The following UPF1 variants were observed in gnomAD, a reference collection of about 807,000 sequenced individuals.
The protein encoded by UPF1 is regulator of nonsense transcripts 1.
In UPF1, 9 loss-of-function variants were observed where a neutral mutation model predicts 129.2. The ratio of observed to expected loss-of-function variants is 0.07; its 90% confidence interval spans 0.04 to 0.12. The LOEUF (loss-of-function observed/expected upper bound fraction) is 0.12, where lower values mean the gene tolerates loss of function less well. Among genes scored for constraint, UPF1 ranks in the 10% least tolerant of loss-of-function variants. UPF1 has a pLI of 1.00. For missense variants in UPF1, 788 were observed against 1,525.3 expected (o/e 0.52, Z 8.05); for synonymous variants, 649 against 644.9 (o/e 1.01, Z -0.10).
chr19:18,855,461 C>G (rs899857895), intron 11 of UPF1: 6 of 620,700 alleles, frequency 9.7e-6, no homozygotes, highest in African/African-American at 7.4e-5. Flanking sequence ...GTTTAGAAAA[C>G]TGGGGGCAGG....
chr19:18,847,716 T>C (rs752056333), intron 2 of UPF1, 28 bp from the exon 3 acceptor site: 11 of 1,605,716 alleles, frequency 6.9e-6, no homozygotes, highest in South Asian at 2.2e-5. Flanking sequence ...AGCTTCCAGC[T>C]GTAACTGTCG....
chr19:18,866,017 T>G (rs760246031), intron 22 of UPF1, 27 bp from the exon 23 acceptor site: 1 of 1,612,998 alleles, frequency 6.2e-7, no homozygotes, highest in Non-Finnish European at 8.5e-7. Context: ...GCCTGTGGCT[T>G]GCTTACCTCC....
At chr19:18,849,469 C>T (rs16995752) in intron 3 of UPF1, 2,043 of 157,740 alleles carry the variant, frequency 0.013, 40 homozygotes, top group African/African-American at 0.046. Flanking sequence ...CTGGCCACGT[C>T]GCAGCAAGGA....
intron 1 of UPF1, among the ~76,000 whole-genome samples, chr19:18,840,390 C>T (rs527630820): frequency 1.2e-4 from 18 of 152,282 alleles, no homozygotes; most frequent in African/African-American, 4.1e-4. Context: ...CAGGCTGAGC[C>T]GGGGCTCTCT....
intron 9 of UPF1, 26 bp downstream of exon 9, chr19:18,854,735 C>G: frequency 6.2e-7 from 1 of 1,610,496 alleles, no homozygotes; most frequent in Non-Finnish European, 8.5e-7. Flanking sequence ...TCACTGCCCC[C>G]TGTTCCCTGG....
intron 15 of UPF1, among the ~76,000 whole-genome samples, chr19:18,858,323 C>T (rs750934159): frequency 6.6e-6 from 1 of 152,162 alleles, no homozygotes; most frequent in Non-Finnish European, 1.5e-5. Context: ...CGTCGCTTGC[C>T]ATGAGCTTGG....
intron 20 of UPF1, among the ~76,000 whole-genome samples, chr19:18,864,545 A>C (rs908985170): frequency 9.2e-5 from 14 of 152,292 alleles, no homozygotes; most frequent in Admixed American, 9.2e-4. Flanking sequence ...TTTCATAAAA[A>C]GGATTTTTTT....
At chr19:18,856,376 T>C (rs2055718158) in intron 13 of UPF1, 76 bp downstream of exon 13, 1 of 1,366,190 alleles carries the variant, frequency 7.3e-7, no homozygotes, top group East Asian at 2.4e-5. Flanking sequence ...AAAGCACCTA[T>C]TTGAATTGTT....
intron 1 of UPF1, among the ~76,000 whole-genome samples, chr19:18,841,468 A>G (rs921009867): frequency 1.3e-5 from 2 of 152,202 alleles, no homozygotes; most frequent in Non-Finnish European, 2.9e-5. Context: ...TCCGATATGT[A>G]GGGACAGTTG....
At chr19:18,858,096 C>T (rs549549919) in intron 15 of UPF1, among the ~76,000 whole-genome samples, 9 of 152,304 alleles carry the variant, frequency 5.9e-5, no homozygotes, top group African/African-American at 7.2e-5. Context: ...TACTAAGCCT[C>T]GAGTGTTTCA....
chr19:18,838,985 A>G (rs1254532947), intron 1 of UPF1, among the ~76,000 whole-genome samples: 2 of 152,142 alleles, frequency 1.3e-5, no homozygotes, highest in East Asian at 1.9e-4. Flanking sequence ...CTAACTAAAA[A>G]AAGAGTTCCC....
intron 6 of UPF1, among the ~76,000 whole-genome samples, 163 bp from the exon 7 acceptor site, chr19:18,852,824 A>G (rs929541864): frequency 8.6e-5 from 13 of 151,938 alleles, no homozygotes; most frequent in Admixed American, 7.2e-4. Flanking sequence ...TCTCTTTCAG[A>G]TGTGCCCTTG....
intron 3 of UPF1, chr19:18,848,228 G>A (rs887005891): frequency 4.5e-5 from 9 of 198,044 alleles, no homozygotes; most frequent in South Asian, 2.3e-4. Flanking sequence ...GGAGCTGTCC[G>A]GAGGCTAATT....
At chr19:18,839,669 T>C (rs551257384) in intron 1 of UPF1, among the ~76,000 whole-genome samples, 1 of 152,318 alleles carries the variant, frequency 6.6e-6, no homozygotes, top group Admixed American at 6.5e-5. Context: ...TTTTGCACCC[T>C]CTGCGAGCTG....
rs762704327 is a variant in UPF1, at chr19:18,838,071, A to G, written c.231+5631A>G. ...GTCTTCAAAGCCATTGTCCTGACCT[A>G]TCCTTGACTGTCCAGGTGAACACAC... On this transcript the variant is annotated intron_variant, in intron 1 of 23. Transcript: ENST00000262803. Among the ~76,000 whole-genome samples the G allele has an allele frequency of 9.8e-5, 15 of 152,344 alleles. 1 individual carries two copies. The highest frequency in any genetic ancestry group is 3.9e-4 in the East Asian group (2 of 5,192).
In UPF1 at chr19:18,863,623, G is replaced by A; in HGVS notation, c.2775+11G>A. 1 of 1,610,028 alleles carries A rather than the reference G, an allele frequency of 6.2e-7. No individual in the cohort carries two copies. Among genetic ancestry groups the A allele is most frequent in the Non-Finnish European group, 8.5e-7 (1 of 1,177,918 alleles). On this transcript the variant is annotated intron_variant, in intron 19 of 23. Transcript: ENST00000262803. ...AACACTATCAACCCGGTGAGCGCCT[G>A]CACAGGACAGCAGGGCAGCACGGAG...
In UPF1 at chr19:18,865,787, G is replaced by A. The variant is rs779110906; in HGVS notation, c.3237+9G>A. ...AGCCGGAGCTGTCCCAGGTGAGCCCGCCCCTGGGACGGGACTTACCTGAGT... is the reference window on the plus strand; with the variant it reads ...AGCCGGAGCTGTCCCAGGTGAGCCCACCCCTGGGACGGGACTTACCTGAGT... On this transcript the variant is annotated intron_variant, in intron 22 of 23. Transcript: ENST00000262803. The surrounding 1 kb of genome is among the most constrained non-coding windows in gnomAD (Gnocchi z 6.1). 1.1e-5 allele frequency: 18 copies of A among 1,612,168 alleles called. No homozygotes were observed. In the East Asian group the frequency reaches 1.3e-4, roughly 12 times the overall value.
In UPF1 at chr19:18,851,033, G is replaced by A. The variant is rs1274156756; in HGVS notation, c.810+165G>A. ...ACGTGGAATGACCTCAGGGCACCTT[G>A]GTCACCTTCCATCCAGGCAGCCTTA... On this transcript the variant is annotated intron_variant, in intron 5 of 23. Transcript: ENST00000262803. This position sits in a 1 kb window ranked among gnomAD's most constrained non-coding sequence, Gnocchi z 4.2. The A allele has an allele frequency of 1.3e-6, 1 of 791,752 alleles. No individual in the cohort carries two copies. The highest frequency in any genetic ancestry group is 1.8e-5 in the African/African-American group (1 of 56,356). The allele number at this position is 791,752 out of a possible 1,614,324, so 49.0% of individuals were successfully genotyped here. A position where few individuals can be genotyped will look rare whatever the true frequency, so the allele number is the denominator to read the frequency against.
intron 1 of UPF1, among the ~76,000 whole-genome samples, chr19:18,834,060 C>T (rs1415580822): frequency 2.0e-5 from 3 of 152,080 alleles, no homozygotes; most frequent in African/African-American, 7.2e-5. Flanking sequence ...GTCTGAGCTG[C>T]GGAGGCCCCA....
Sources: allele counts gnomAD v4.1 joint callset (sites outside exome capture counted in the v4.1 genomes callset), GRCh38; gene constraint gnomAD v4.1.1; non-coding constraint Gnocchi (gnomAD v3.1); transcripts MANE v1.5; gene names NCBI Gene and HGNC (gene_info 2026-07-23, HGNC 2026-07-21).